IL15: variants seen among roughly 807,000 people sequenced by gnomAD.
IL15 encodes the protein interleukin 15, also known as interleukin-15.
Under a neutral mutation model 19.6 loss-of-function variants are expected in IL15, and 11 were observed. The ratio of observed to expected loss-of-function variants is 0.56; its 90% confidence interval spans 0.35 to 0.93. IL15 has a LOEUF of 0.93. Ranked by LOEUF, IL15 falls within the 40% of genes least tolerant of loss-of-function variation. The probability of loss-of-function intolerance (pLI) is 0.01; values close to 1 mark genes in which losing one functional copy is unlikely to be tolerated. For synonymous variants in IL15, 58 were observed against 59.6 expected (o/e 0.97, Z 0.12); for missense variants, 197 against 186.5 (o/e 1.06, Z -0.33).
At chr4:141,696,786 G>C (rs1247313559) in intron 2 of IL15, among the ~76,000 whole-genome samples, 1 of 151,926 alleles carries the variant, frequency 6.6e-6, no homozygotes, top group African/African-American at 2.4e-5. Flanking sequence ...TTTTTCATAT[G>C]TTTGCTGGCC....
At chr4:141,682,609 T>C (rs1172242430) in intron 2 of IL15, among the ~76,000 whole-genome samples, 2 of 152,186 alleles carry the variant, frequency 1.3e-5, no homozygotes, top group African/African-American at 2.4e-5. Context: ...TGAACACATG[T>C]ACATACATGT....
At chr4:141,694,144 A>C (rs1221204999) in intron 2 of IL15, among the ~76,000 whole-genome samples, 1 of 152,228 alleles carries the variant, frequency 6.6e-6, no homozygotes, top group Non-Finnish European at 1.5e-5. Context: ...GCAGATGGAC[A>C]CAGATACAAG....
chr4:141,675,220 A>G (rs531069279), intron 2 of IL15, among the ~76,000 whole-genome samples: 2 of 152,204 alleles, frequency 1.3e-5, no homozygotes, highest in Non-Finnish European at 2.9e-5. Context: ...TAAGTGTGAC[A>G]CTATTCTGGA....
chr4:141,690,381 G>A (rs1377992348), intron 2 of IL15, among the ~76,000 whole-genome samples: 1 of 152,156 alleles, frequency 6.6e-6, no homozygotes, highest in African/African-American at 2.4e-5. Flanking sequence ...CGCCGAGAGC[G>A]AGCGAGGGCT....
chr4:141,703,293 C>T (rs922755668), intron 2 of IL15, among the ~76,000 whole-genome samples: 7 of 152,160 alleles, frequency 4.6e-5, no homozygotes, highest in African/African-American at 1.7e-4. Flanking sequence ...GATGGGTGTA[C>T]ATCCCTACTC....
At chr4:141,682,925 C>T (rs1464328078) in intron 2 of IL15, among the ~76,000 whole-genome samples, 4 of 151,996 alleles carry the variant, frequency 2.6e-5, no homozygotes, top group Non-Finnish European at 2.9e-5. Flanking sequence ...GCACTCCAAC[C>T]TGGGCGACAA....
chr4:141,659,405 G>A (rs577452008), intron 2 of IL15, among the ~76,000 whole-genome samples: 68 of 151,920 alleles, frequency 4.5e-4, no homozygotes, highest in African/African-American at 1.6e-3. Context: ...GTTTCACCAT[G>A]TTGGTCAGGC....
Position 141,720,469 on chromosome 4 carries a change from A to C in IL15, c.13A>C (p.Lys5Gln), listed in dbSNP as rs1730036344. The C allele has an allele frequency of 6.5e-7, 1 of 1,529,930 alleles. No homozygotes were observed. Among genetic ancestry groups the C allele is most frequent in the East Asian group, 2.3e-5 (1 of 44,244 alleles). 94.8% of individuals were successfully genotyped at this position (1,529,930 alleles called of 1,614,324 possible). MRISKPHLRSISIQC... is the reference protein window; with the variant it reads MRISQPHLRSISIQC... Reference sequence around the variant, plus strand: ...ATTTGTCTATGATTATATTTTTCAGAAACCACATTTGAGAAGTATTTCCAT... The same window carrying C: ...ATTTGTCTATGATTATATTTTTCAGCAACCACATTTGAGAAGTATTTCCAT... Residue 5 changes from lysine to glutamine, a missense_variant and splice_region_variant, in exon 4 of 8, where the codon AAA (lysine) becomes CAA (glutamine). By Grantham distance (53) the Lys-to-Gln change is moderately conservative. Transcript: ENST00000320650.
chr4:141,725,812 A>C (rs184551441), intron 5 of IL15, among the ~76,000 whole-genome samples: 1 of 152,178 alleles, frequency 6.6e-6, no homozygotes, highest in Non-Finnish European at 1.5e-5. Context: ...TGTTGCTTAT[A>C]ACAGAGTACT....
rs542178648 is a variant in IL15, at chr4:141,684,251, G to T, written c.-100+27944G>T. 1.2e-4 allele frequency among the ~76,000 whole-genome samples: 18 copies of T among 151,898 alleles called. 1 individual carries two copies. The East Asian group carries it at 3.3e-3, about 28-fold the overall frequency. ...TAAAAGATTGACCACTGATGACCAG[G>T]AATTGTAAATGAATTTATTCAAGTA... On this transcript the variant is annotated intron_variant, in intron 2 of 7. Transcript: ENST00000320650.
chr4:141,728,100 A>G, intron 6 of IL15, 116 bp downstream of exon 6: 1 of 587,828 alleles, frequency 1.7e-6, no homozygotes. Context: ...GTGTGTTTCT[A>G]TAATATATGG....
rs140046873 is a variant in IL15, at chr4:141,650,305, C to G, written c.-221-5881C>G. On this transcript the variant is annotated intron_variant, in intron 1 of 7. Transcript: ENST00000320650. ...ACAATATAGTAGAATTTGGGTGGTA[C>G]CAATGATGGTGTAGGATAGTTAGAT... 9.8e-4 allele frequency among the ~76,000 whole-genome samples: 149 copies of G among 152,024 alleles called. 1 individual carries two copies. The highest frequency in any genetic ancestry group is 3.2e-3 in the African/African-American group (134 of 41,490).
chr4:141,729,817 G>A, intron 6 of IL15, 30 bp from the exon 7 acceptor site: 1 of 1,286,668 alleles, frequency 7.8e-7, no homozygotes, highest in Middle Eastern at 2.0e-4. Flanking sequence ...TCAGAAAAAA[G>A]TAATTGTTCT....
At chr4:141,703,618 T>G (rs1031658550) in intron 2 of IL15, among the ~76,000 whole-genome samples, 1 of 152,058 alleles carries the variant, frequency 6.6e-6, no homozygotes, top group Non-Finnish European at 1.5e-5. Flanking sequence ...GAACTTTTAT[T>G]TTTTTTCCTA....
chr4:141,692,854 T>C lies in IL15; in HGVS notation c.-99-26512T>C, dbSNP rs191702441. On this transcript the variant is annotated intron_variant, in intron 2 of 7. Coordinates refer to ENST00000320650, the MANE Select transcript of IL15 (RefSeq NM_000585.5). ...CCAAACTGTTCCAACGTCTGCCTAT[T>C]ACCCAGTTCAAAAGTCACTTCCACA... Among the ~76,000 whole-genome samples the C allele has an allele frequency of 1.8e-3, 277 of 151,858 alleles. 1 individual carries two copies. The highest frequency in any genetic ancestry group is 6.4e-3 in the African/African-American group (263 of 41,382).
chr4:141,687,520 C>T (rs934264121), intron 2 of IL15, among the ~76,000 whole-genome samples: 1 of 152,182 alleles, frequency 6.6e-6, no homozygotes, highest in Non-Finnish European at 1.5e-5. Context: ...GAGGCTATTA[C>T]TTCCTCAATA....
rs1727576030 is a variant in IL15, at chr4:141,655,913, C to T, written c.-221-273C>T. ...CAATTTACTAGAGAGCTATATGAAGCATTATAGGTTTTAAAAAATGATATA... is the reference window on the plus strand; with the variant it reads ...CAATTTACTAGAGAGCTATATGAAGTATTATAGGTTTTAAAAAATGATATA... On this transcript the variant is annotated intron_variant, in intron 1 of 7. Coordinates refer to ENST00000320650, the MANE Select transcript of IL15 (RefSeq NM_000585.5). 2.0e-5 allele frequency among the ~76,000 whole-genome samples: 3 copies of T among 152,126 alleles called. No homozygotes were observed. The South Asian group carries it at 6.2e-4, about 31-fold the overall frequency.
intron 2 of IL15, among the ~76,000 whole-genome samples, chr4:141,679,392 G>A (rs544954140): frequency 4.3e-4 from 66 of 152,268 alleles, no homozygotes; most frequent in African/African-American, 1.5e-3. Context: ...GTGAATATGT[G>A]TAAATATTAT....
chr4:141,711,010 T>C (rs942912615), intron 2 of IL15, among the ~76,000 whole-genome samples: 1 of 152,194 alleles, frequency 6.6e-6, no homozygotes, highest in African/African-American at 2.4e-5. Flanking sequence ...GCATTGCGAC[T>C]GATGATACAG....
Sources: allele counts gnomAD v4.1 joint callset (sites outside exome capture counted in the v4.1 genomes callset), GRCh38; gene constraint gnomAD v4.1.1; transcripts MANE v1.5; gene names NCBI Gene and HGNC (gene_info 2026-07-23, HGNC 2026-07-21).